Variants in CNTNAP2 observed in about 807,000 individuals in gnomAD.
The protein encoded by CNTNAP2 is contactin-associated protein-like 2.
In CNTNAP2, 98 loss-of-function variants were observed where a neutral mutation model predicts 155.2. The observed-to-expected ratio is 0.63, with a 90% CI of 0.54 to 0.75. The LOEUF is 0.75. Among genes scored for constraint, CNTNAP2 ranks in the 30% least tolerant of loss-of-function variants. CNTNAP2 has a pLI of 0.00. For synonymous variants in CNTNAP2, 651 were observed against 631.2 expected, an observed-to-expected ratio of 1.03 and a Z score of -0.47; for missense variants, 1,727 against 1,688.1, an observed-to-expected ratio of 1.02 and a Z score of -0.40.
intron 21 of CNTNAP2, among the ~76,000 whole-genome samples, chr7:148,305,627 G>GAAGT (rs1438917823): frequency 1.3e-5 from 2 of 152,210 alleles, no homozygotes; most frequent in South Asian, 4.1e-4. Flanking sequence ...AGGTGAAGGG[G>GAAGT]AAGTAAGCAT....
chr7:147,671,297 A>G (rs851726), intron 13 of CNTNAP2, among the ~76,000 whole-genome samples: 27,549 of 152,122 alleles, frequency 0.18, 4,916 homozygotes, highest in African/African-American at 0.45. Context: ...TCACTTCCAT[A>G]TGGAGCTAGT....
At chr7:148,077,870 C>T (rs1000377211) in intron 15 of CNTNAP2, among the ~76,000 whole-genome samples, 2 of 152,156 alleles carry the variant, frequency 1.3e-5, no homozygotes, top group African/African-American at 4.8e-5. Context: ...ATTCAGCAAG[C>T]TTCTGATGAT....
At chr7:146,154,815 T>C (rs542049062) in intron 1 of CNTNAP2, among the ~76,000 whole-genome samples, 2 of 152,176 alleles carry the variant, frequency 1.3e-5, no homozygotes, top group Non-Finnish European at 2.9e-5. Flanking sequence ...GTAAAAAGCA[T>C]CTATAGACCA....
At chr7:147,274,330 T>G (rs138918977) in intron 8 of CNTNAP2, among the ~76,000 whole-genome samples, 1 of 152,166 alleles carries the variant, frequency 6.6e-6, no homozygotes, top group Non-Finnish European at 1.5e-5. Context: ...TTTTTGACTT[T>G]TTAGTAATAG....
chr7:147,085,064 A>G (rs1177847303), intron 4 of CNTNAP2, among the ~76,000 whole-genome samples: 2 of 152,130 alleles, frequency 1.3e-5, no homozygotes, highest in Non-Finnish European at 2.9e-5. Flanking sequence ...TCCAAGTTAG[A>G]AAAGCATTTT....
chr7:147,060,451 G>A (rs780177485), intron 4 of CNTNAP2, among the ~76,000 whole-genome samples: 2 of 152,146 alleles, frequency 1.3e-5, no homozygotes, highest in African/African-American at 2.4e-5. Flanking sequence ...GGCTGGGCAC[G>A]ATGGCTCACG....
chr7:146,430,518 A>G (rs1373723448), intron 1 of CNTNAP2, among the ~76,000 whole-genome samples: 4 of 152,058 alleles, frequency 2.6e-5, no homozygotes, highest in Non-Finnish European at 5.9e-5. Flanking sequence ...AAATGCAGAC[A>G]TTCTCTTCAT....
chr7:146,799,961 TAAATA>T (rs1157461539), intron 2 of CNTNAP2, among the ~76,000 whole-genome samples: 23 of 135,456 alleles, frequency 1.7e-4, no homozygotes, highest in African/African-American at 7.5e-4. Flanking sequence ...CAAAATCTGT[TAAATA>T]AAAAAAGTAT....
At chr7:147,052,218 A>G (rs1192986953) in intron 4 of CNTNAP2, among the ~76,000 whole-genome samples, 1 of 152,148 alleles carries the variant, frequency 6.6e-6, no homozygotes, top group Non-Finnish European at 1.5e-5. Flanking sequence ...CCATTATATT[A>G]CATAAATATT....
intron 8 of CNTNAP2, among the ~76,000 whole-genome samples, chr7:147,215,107 A>T (rs1563119426): frequency 6.6e-6 from 1 of 152,170 alleles, no homozygotes; most frequent in Non-Finnish European, 1.5e-5. Context: ...TGTGAGGATT[A>T]TAATTTGAGA....
intron 20 of CNTNAP2, among the ~76,000 whole-genome samples, chr7:148,245,097 T>A (rs1366432024): frequency 6.6e-6 from 1 of 152,174 alleles, no homozygotes; most frequent in Non-Finnish European, 1.5e-5. Context: ...GAGAATACTT[T>A]TAGAGAAGAA....
intron 3 of CNTNAP2, among the ~76,000 whole-genome samples, chr7:146,926,410 C>T (rs1183925686): frequency 1.3e-5 from 2 of 152,090 alleles, no homozygotes; most frequent in Non-Finnish European, 1.5e-5. Flanking sequence ...ATAATTCCAA[C>T]TGAGTTTATG....
At chr7:148,044,707 A>G (rs1445306997) in intron 15 of CNTNAP2, 1 of 152,276 alleles carries the variant, frequency 6.6e-6, no homozygotes, top group Non-Finnish European at 1.5e-5. Flanking sequence ...CAGAACTGTA[A>G]GCAATCTGCT....
intron 8 of CNTNAP2, among the ~76,000 whole-genome samples, chr7:147,156,360 G>T (rs1279713547): frequency 6.6e-6 from 1 of 152,168 alleles, no homozygotes; most frequent in Non-Finnish European, 1.5e-5. Flanking sequence ...TGTGGGAAAT[G>T]TACTGAATAA....
intron 1 of CNTNAP2, among the ~76,000 whole-genome samples, chr7:146,283,782 A>G (rs1004508162): frequency 4.6e-5 from 7 of 152,298 alleles, no homozygotes; most frequent in African/African-American, 1.4e-4. Flanking sequence ...ATGTCACATG[A>G]TCATATTTTA....
At chr7:147,648,529 A>G (rs962121296) in intron 13 of CNTNAP2, among the ~76,000 whole-genome samples, 1 of 152,228 alleles carries the variant, frequency 6.6e-6, no homozygotes, top group Non-Finnish European at 1.5e-5. Context: ...AAGAGTTTTA[A>G]TGGACTCACA....
intron 21 of CNTNAP2, among the ~76,000 whole-genome samples, chr7:148,268,681 G>A (rs1215139879): frequency 6.6e-6 from 1 of 151,406 alleles, no homozygotes; most frequent in Non-Finnish European, 1.5e-5. Context: ...ATAATAATGT[G>A]CACTTATGTA....
chr7:147,438,858 A>C (rs190614582), intron 10 of CNTNAP2, among the ~76,000 whole-genome samples: 3 of 151,668 alleles, frequency 2.0e-5, no homozygotes, highest in Admixed American at 6.6e-5. Flanking sequence ...TTTTCCCTAG[A>C]TTTTTCCAAT....
chr7:147,643,349 C>T (rs993383850), intron 13 of CNTNAP2: 1 of 152,136 alleles, frequency 6.6e-6, no homozygotes, highest in African/African-American at 2.4e-5. Context: ...GCTTACCCTT[C>T]TGAGTCATTT....
Sources: gnomAD v4.1 joint callset for allele counts (sites outside exome capture counted in the v4.1 genomes callset) on GRCh38, gnomAD v4.1.1 for gene constraint, MANE v1.5 for transcripts, NCBI Gene and HGNC (gene_info 2026-07-23, HGNC 2026-07-21) for gene names.